Variants in SHANK2 observed in about 807,000 individuals in gnomAD.
The protein encoded by SHANK2 is SH3 and multiple ankyrin repeat domains 2.
SHANK2 carries 43 observed loss-of-function variants against 133.7 expected under a neutral mutation model. That is an observed-to-expected ratio of 0.32 (90% CI 0.25 to 0.41). The LOEUF (loss-of-function observed/expected upper bound fraction) is 0.41, where lower values mean the gene tolerates loss of function less well. Ranked by LOEUF, SHANK2 falls within the 10% of genes least tolerant of loss-of-function variation. The probability of loss-of-function intolerance (pLI) is 1.00; values close to 1 mark genes in which losing one functional copy is unlikely to be tolerated. For missense variants in SHANK2, 1,994 were observed against 2,235.8 expected (o/e 0.89, Z 2.18); for synonymous variants, 1,017 against 952.8 (o/e 1.07, Z -1.24).
intron 11 of SHANK2, among the ~76,000 whole-genome samples, chr11:70,869,462 G>A (rs1555069742): frequency 6.6e-6 from 1 of 152,226 alleles, no homozygotes; most frequent in African/African-American, 2.4e-5. Flanking sequence ...AGTGATTAAT[G>A]CTTCCAATCT....
intron 10 of SHANK2, among the ~76,000 whole-genome samples, chr11:70,931,456 T>G (rs1555082491): frequency 1.3e-5 from 2 of 152,116 alleles, no homozygotes; most frequent in African/African-American, 4.8e-5. Flanking sequence ...CGAACAGCCC[T>G]CAGAAGGTGG....
At chr11:71,057,004 T>C (rs1950929514) in intron 9 of SHANK2, among the ~76,000 whole-genome samples, 1 of 152,074 alleles carries the variant, frequency 6.6e-6, no homozygotes, top group African/African-American at 2.4e-5. Flanking sequence ...GAGAAAAACA[T>C]ATCCAGGAAC....
chr11:70,729,195 T>TAAA (rs34711436), intron 14 of SHANK2, among the ~76,000 whole-genome samples: 25 of 144,664 alleles, frequency 1.7e-4, no homozygotes, highest in African/African-American at 6.2e-4. Flanking sequence ...AGAATTCATC[T>TAAA]AAAAAAAAAT....
intron 17 of SHANK2, among the ~76,000 whole-genome samples, chr11:70,646,841 A>G (rs1222769219): frequency 7.0e-6 from 1 of 143,320 alleles, no homozygotes; most frequent in African/African-American, 2.8e-5. Flanking sequence ...TTATTTATTT[A>G]TTTATTTATT....
chr11:71,206,423 C>T (rs1187676940), intron 2 of SHANK2, among the ~76,000 whole-genome samples: 6 of 152,206 alleles, frequency 3.9e-5, no homozygotes, highest in African/African-American at 1.4e-4. Flanking sequence ...GGATCTGCAA[C>T]TGCCACTCAG....
At chr11:70,920,823 G>C (rs897392246) in intron 10 of SHANK2, among the ~76,000 whole-genome samples, 2 of 152,196 alleles carry the variant, frequency 1.3e-5, no homozygotes, top group African/African-American at 4.8e-5. Flanking sequence ...AAAGTTTTTA[G>C]CATAGCTGAA....
At chr11:71,101,791 G>A (rs1555096672) in intron 6 of SHANK2, among the ~76,000 whole-genome samples, 1 of 152,212 alleles carries the variant, frequency 6.6e-6, no homozygotes, top group East Asian at 1.9e-4. Context: ...TCCTAACTGA[G>A]CGGTGCGGGA....
chr11:71,137,612 G>T (rs1385474311), intron 3 of SHANK2, among the ~76,000 whole-genome samples: 1 of 152,176 alleles, frequency 6.6e-6, no homozygotes, highest in African/African-American at 2.4e-5. Context: ...AGGGAGCTGG[G>T]CCTGGCCGAG....
At chr11:70,861,002 C>T (rs1411468331) in intron 11 of SHANK2, among the ~76,000 whole-genome samples, 1 of 152,250 alleles carries the variant, frequency 6.6e-6, no homozygotes, top group Non-Finnish European at 1.5e-5. Flanking sequence ...GGACATCCCT[C>T]GACCTGCTGG....
At chr11:70,925,408 A>G (rs1950413623) in intron 10 of SHANK2, among the ~76,000 whole-genome samples, 1 of 152,166 alleles carries the variant, frequency 6.6e-6, no homozygotes, top group Non-Finnish European at 1.5e-5. Flanking sequence ...AAGCTGTGTA[A>G]TAAGGAAACA....
intron 12 of SHANK2, among the ~76,000 whole-genome samples, chr11:70,816,259 A>C (rs949882431): frequency 6.6e-6 from 1 of 152,246 alleles, no homozygotes; most frequent in African/African-American, 2.4e-5. Flanking sequence ...CACAGGAGAA[A>C]ACAGAGGCAC....
At chr11:70,858,561 C>G (rs1949206349) in intron 11 of SHANK2, among the ~76,000 whole-genome samples, 1 of 152,250 alleles carries the variant, frequency 6.6e-6, no homozygotes, top group South Asian at 2.1e-4. Context: ...TGGCAGCAGC[C>G]TTCCAGTGTG....
At chr11:70,824,658 T>C (rs1169862078) in intron 11 of SHANK2, among the ~76,000 whole-genome samples, 1 of 152,070 alleles carries the variant, frequency 6.6e-6, no homozygotes, top group Non-Finnish European at 1.5e-5. Flanking sequence ...TTGTTGGTCT[T>C]GAGGGAAAAC....
intron 17 of SHANK2, among the ~76,000 whole-genome samples, chr11:70,587,539 CA>C (rs1554987105): frequency 1.3e-5 from 2 of 152,054 alleles, no homozygotes; most frequent in East Asian, 1.9e-4. Flanking sequence ...GGGTAGGTTA[CA>C]AAATGGTATG....
rs1948180582 is a variant in SHANK2 at position 70,807,112 on chromosome 11, G to A, written c.1553C>T (p.Pro518Leu). Residue 518 changes from proline to leucine, a missense_variant, in exon 13 of 26, where the codon CCC (proline) becomes CTC (leucine). Pro to Leu is a moderately conservative substitution (Grantham distance 98, BLOSUM62 -3). Around this residue, in one of 5 missense-constraint regions of SHANK2, gnomAD observed 653 missense variants for 563.4 expected, o/e 1.16. Transcript: ENST00000601538. The surrounding 1 kb of genome is among the most constrained non-coding windows in gnomAD (Gnocchi z 4.8). ...DSLSAFEYPGPKRKLYSAVPG... is the reference protein window; with the variant it reads ...DSLSAFEYPGLKRKLYSAVPG... ...CACGGCACTGTAGAGCTTCCGCTTG[G>A]GCCCCGGGTACTCGAAGGCCGAGAG... The A allele has an allele frequency of 1.4e-6, 1 of 718,002 alleles. No homozygotes were observed. The highest frequency in any genetic ancestry group is 1.5e-5 in the South Asian group (1 of 67,566). The allele number at this position is 718,002 out of a possible 1,614,324, so 44.5% of individuals were successfully genotyped here.
At position 70,482,750 on chromosome 11, in the gene SHANK2, C is replaced by T. The variant is rs184991739; in HGVS notation, c.4979+2564G>A. 2.5e-3 allele frequency among the ~76,000 whole-genome samples: 383 copies of T among 152,324 alleles called. 3 individuals are homozygous for T. The highest frequency in any genetic ancestry group is 5.0e-3 in the Non-Finnish European group (338 of 68,024). ...GGGAGGCGGCCGTTCTTGGCACTCACGCGTGGGTCGGCGGTGGTATGCAGC... is the reference window on the plus strand; with the variant it reads ...GGGAGGCGGCCGTTCTTGGCACTCATGCGTGGGTCGGCGGTGGTATGCAGC... On this transcript the variant is annotated intron_variant, in intron 25 of 25. Transcript: ENST00000601538.
intron 11 of SHANK2, among the ~76,000 whole-genome samples, chr11:70,880,251 C>T (rs1005032651): frequency 6.6e-6 from 1 of 152,202 alleles, no homozygotes; most frequent in Non-Finnish European, 1.5e-5. Flanking sequence ...TGAAGCCAGC[C>T]ATAACTCTAA....
At chr11:70,859,420 C>T (rs529890116) in intron 11 of SHANK2, among the ~76,000 whole-genome samples, 13 of 151,258 alleles carry the variant, frequency 8.6e-5, no homozygotes, top group African/African-American at 2.7e-4. Context: ...ACAGATGGAT[C>T]GATAGATGGA....
intron 11 of SHANK2, among the ~76,000 whole-genome samples, chr11:70,842,276 C>T (rs1442476688): frequency 2.0e-5 from 3 of 152,124 alleles, no homozygotes; most frequent in Non-Finnish European, 2.9e-5. Context: ...GGGCCAAAAC[C>T]CATGCTGGAA....
Sources: gnomAD v4.1 joint callset for allele counts (sites outside exome capture counted in the v4.1 genomes callset) on GRCh38, gnomAD v4.1.1 for gene constraint, gnomAD v4.1.1 regional missense constraint, Gnocchi (gnomAD v3.1) non-coding constraint, MANE v1.5 for transcripts, NCBI Gene and HGNC (gene_info 2026-07-23, HGNC 2026-07-21) for gene names.